The following NR2F1-AS1 variants were observed in gnomAD, a reference collection of about 807,000 sequenced individuals.
The protein encoded by NR2F1-AS1 is NR2F1 regulatory antisense RNA 1.
At chr5:93,551,587 T>C (rs1194435856) in intron 4 of NR2F1-AS1, among the ~76,000 whole-genome samples, 1 of 152,040 alleles carries the variant, frequency 6.6e-6, no homozygotes, top group East Asian at 1.9e-4. Context: ...GACACAGAAC[T>C]ACACAGCTTT....
At chr5:93,517,553 T>C (rs945421540) in intron 4 of NR2F1-AS1, among the ~76,000 whole-genome samples, 6 of 152,030 alleles carry the variant, frequency 3.9e-5, no homozygotes, top group African/African-American at 1.2e-4. Context: ...TCAATATACA[T>C]TGTATTAGAT....
At chr5:93,451,888 G>T (rs1486834727) in intron 4 of NR2F1-AS1, among the ~76,000 whole-genome samples, 1 of 152,168 alleles carries the variant, frequency 6.6e-6, no homozygotes, top group Non-Finnish European at 1.5e-5. Flanking sequence ...CCTCTGCTTT[G>T]CTTACAGCTG....
At chr5:93,439,840 A>T (rs998954643) in intron 4 of NR2F1-AS1, among the ~76,000 whole-genome samples, 5 of 152,140 alleles carry the variant, frequency 3.3e-5, no homozygotes, top group African/African-American at 1.2e-4. Flanking sequence ...TTTCCTATGA[A>T]TTCTCTTAGC....
chr5:93,421,072 TTGAG>T (rs940308044), intron 4 of NR2F1-AS1, among the ~76,000 whole-genome samples: 1 of 152,176 alleles, frequency 6.6e-6, no homozygotes, highest in Non-Finnish European at 1.5e-5. Context: ...ATAAGAAACT[TTGAG>T]TGATTTAAGC....
At chr5:93,574,867 A>G (rs1342787310) in intron 1 of NR2F1-AS1, among the ~76,000 whole-genome samples, 2 of 152,220 alleles carry the variant, frequency 1.3e-5, no homozygotes, top group South Asian at 4.1e-4. Flanking sequence ...TTTATTGGAC[A>G]GGGCGGCTCC....
chr5:93,575,018 G>T (rs1054935499), intron 1 of NR2F1-AS1, among the ~76,000 whole-genome samples: 1 of 152,330 alleles, frequency 6.6e-6, no homozygotes, highest in South Asian at 2.1e-4. Context: ...CTGCAGCCTG[G>T]GGGGGTGTCC....
At chr5:93,457,782 T>C (rs1230946326) in intron 4 of NR2F1-AS1, among the ~76,000 whole-genome samples, 1 of 152,110 alleles carries the variant, frequency 6.6e-6, no homozygotes, top group African/African-American at 2.4e-5. Flanking sequence ...GCTTCTTTAA[T>C]TGTGCCCAAG....
chr5:93,572,677 T>C (rs1299727363), intron 1 of NR2F1-AS1, among the ~76,000 whole-genome samples: 1 of 152,016 alleles, frequency 6.6e-6, no homozygotes. Context: ...CCCTGCCTTT[T>C]CCCCCCACCG....
chr5:93,492,683 A>G (rs1451718373), intron 4 of NR2F1-AS1, among the ~76,000 whole-genome samples: 1 of 152,174 alleles, frequency 6.6e-6, no homozygotes, highest in Non-Finnish European at 1.5e-5. Context: ...AAAAACACAT[A>G]CACCACGACC....
intron 4 of NR2F1-AS1, among the ~76,000 whole-genome samples, chr5:93,532,645 T>G (rs1751759057): frequency 6.6e-6 from 1 of 152,210 alleles, no homozygotes; most frequent in Non-Finnish European, 1.5e-5. Context: ...GCCAACCTGT[T>G]TACAAACAGC....
At chr5:93,491,013 AGTGGTGGTGGTGGTAGTGATAGCT>A (rs1750831605) in intron 4 of NR2F1-AS1, among the ~76,000 whole-genome samples, 1 of 78,736 alleles carries the variant, frequency 1.3e-5, no homozygotes, top group Non-Finnish European at 2.6e-5. Flanking sequence ...TGGTGATGGG[AGTGGTGGTGGTGGTAGTGATAGCT>A]GTGGTGGTGG....
chr5:93,550,717 G>A (rs1160998164), intron 4 of NR2F1-AS1, among the ~76,000 whole-genome samples: 1 of 152,108 alleles, frequency 6.6e-6, no homozygotes, highest in East Asian at 1.9e-4. Context: ...ATGTTAGCAA[G>A]TGCATTTCAT....
intron 4 of NR2F1-AS1, among the ~76,000 whole-genome samples, chr5:93,415,360 T>G (rs1303117840): frequency 6.6e-6 from 1 of 152,162 alleles, no homozygotes; most frequent in Non-Finnish European, 1.5e-5. Flanking sequence ...ATAGTAAGCA[T>G]TCAATAAATA....
chr5:93,517,854 A>G (rs2149893854), intron 4 of NR2F1-AS1, among the ~76,000 whole-genome samples: 1 of 152,290 alleles, frequency 6.6e-6, no homozygotes, highest in East Asian at 1.9e-4. Context: ...TAAAGTAGGA[A>G]GAATGAGACT....
intron 4 of NR2F1-AS1, among the ~76,000 whole-genome samples, chr5:93,486,376 G>A (rs1209757314): frequency 2.0e-5 from 3 of 149,042 alleles, no homozygotes; most frequent in Non-Finnish European, 3.0e-5. Context: ...AAAGAGAGAA[G>A]ATCAAATATA....
At chr5:93,576,871 C>T (rs1156442483) in intron 1 of NR2F1-AS1, among the ~76,000 whole-genome samples, 2 of 152,238 alleles carry the variant, frequency 1.3e-5, no homozygotes, top group African/African-American at 4.8e-5. Context: ...CAACTTTCAT[C>T]CAAACCTAAT....
intron 4 of NR2F1-AS1, among the ~76,000 whole-genome samples, chr5:93,464,015 T>C (rs533849821): frequency 6.6e-6 from 1 of 152,290 alleles, no homozygotes; most frequent in South Asian, 2.1e-4. Flanking sequence ...TGATTGGTTT[T>C]GAAAAGTGAA....
At chr5:93,497,529 C>A (rs1199793629) in intron 4 of NR2F1-AS1, among the ~76,000 whole-genome samples, 4 of 152,102 alleles carry the variant, frequency 2.6e-5, no homozygotes, top group Non-Finnish European at 5.9e-5. Flanking sequence ...AGCTTTCTGT[C>A]TTAATTTCAA....
chr5:93,461,585 A>C (rs1750094513), intron 4 of NR2F1-AS1, among the ~76,000 whole-genome samples: 1 of 152,166 alleles, frequency 6.6e-6, no homozygotes, highest in South Asian at 2.1e-4. Context: ...AAAAAGTATA[A>C]TCCTTGAACA....
Sources: allele counts gnomAD v4.1 joint callset (sites outside exome capture counted in the v4.1 genomes callset), GRCh38; gene constraint gnomAD v4.1.1; transcripts MANE v1.5; gene names NCBI Gene and HGNC (gene_info 2026-07-23, HGNC 2026-07-21).